Variants in IL1RAPL2 observed in about 807,000 individuals in gnomAD.
IL1RAPL2 encodes interleukin 1 receptor accessory protein like 2.
Under a neutral mutation model 44.1 loss-of-function variants are expected in IL1RAPL2, and 3 were observed. That is an observed-to-expected ratio of 0.07 (90% confidence interval 0.03 to 0.18). The LOEUF (loss-of-function observed/expected upper bound fraction) is 0.18, where lower values mean the gene tolerates loss of function less well. IL1RAPL2 is among the 10% of genes least tolerant of loss of function. The probability of loss-of-function intolerance (pLI) is 1.00; values close to 1 mark genes in which losing one functional copy is unlikely to be tolerated. For missense variants in IL1RAPL2, 391 were observed against 496.4 expected (o/e 0.79, Z 2.02); for synonymous variants, 181 against 178.8 (o/e 1.01, Z -0.10).
intron 2 of IL1RAPL2, among the ~76,000 whole-genome samples, chrX:104,913,192 T>G (rs193112109): frequency 2.2e-4 from 25 of 111,694 alleles, no homozygotes; most frequent in Admixed American, 1.9e-3. Context: ...TCATTTTGTT[T>G]GTATGCAGGC....
chrX:105,207,531 C>T (rs1053922846), intron 3 of IL1RAPL2, among the ~76,000 whole-genome samples: 1 of 111,474 alleles, frequency 9.0e-6, no homozygotes, highest in Non-Finnish European at 1.9e-5. Context: ...GCCCAGAAAC[C>T]TCTCTCATTG....
intron 1 of IL1RAPL2, among the ~76,000 whole-genome samples, chrX:104,613,982 G>A (rs1929220022): frequency 9.1e-6 from 1 of 110,100 alleles, no homozygotes; most frequent in South Asian, 3.9e-4. Context: ...TGTGCATAGA[G>A]GTTTTTCATA....
chrX:104,770,059 T>G (rs1182340033), intron 2 of IL1RAPL2, among the ~76,000 whole-genome samples: 3 of 111,290 alleles, frequency 2.7e-5, no homozygotes, highest in African/African-American at 9.8e-5. Context: ...TCTAGGATTT[T>G]TTTTTGTCCT....
chrX:105,031,720 C>T (rs111478032), intron 2 of IL1RAPL2, among the ~76,000 whole-genome samples: 2 of 111,515 alleles, frequency 1.8e-5, no homozygotes, highest in Non-Finnish European at 3.8e-5. Flanking sequence ...TTGGTTGTGT[C>T]TCTGCCAGGC....
At chrX:105,219,679 C>A in intron 3 of IL1RAPL2, 4 of 1,210,327 alleles carry the variant, frequency 3.3e-6, no homozygotes, top group Non-Finnish European at 4.5e-6. Context: ...CTCAGCTGCT[C>A]CTTCTGTGCA....
intron 2 of IL1RAPL2, among the ~76,000 whole-genome samples, chrX:104,672,264 A>T (rs945966937): frequency 4.5e-5 from 5 of 110,176 alleles, no homozygotes; most frequent in African/African-American, 3.3e-5. Context: ...CACCCATAAC[A>T]GTCCCCAGAG....
At chrX:104,704,800 G>A (rs908788705) in intron 2 of IL1RAPL2, among the ~76,000 whole-genome samples, 6 of 111,648 alleles carry the variant, frequency 5.4e-5, no homozygotes, top group East Asian at 2.8e-4. Context: ...CTTAATTCCC[G>A]TTCCTACTCC....
chrX:104,703,659 C>T (rs944038197), intron 2 of IL1RAPL2, among the ~76,000 whole-genome samples: 5 of 112,049 alleles, frequency 4.5e-5, no homozygotes, highest in Admixed American at 1.9e-4. Context: ...ATATTTAGCA[C>T]TTACTAATAC....
chrX:105,517,055 T>C (rs2036519979), intron 6 of IL1RAPL2, among the ~76,000 whole-genome samples: 1 of 111,378 alleles, frequency 9.0e-6, no homozygotes, highest in Non-Finnish European at 1.9e-5. Context: ...GATGCAAGGA[T>C]ATGTTGTGTA....
chrX:105,419,848 T>A (rs1804112722), intron 5 of IL1RAPL2, among the ~76,000 whole-genome samples: 1 of 112,104 alleles, frequency 8.9e-6, no homozygotes, highest in Non-Finnish European at 1.9e-5. Context: ...CAGACATTGC[T>A]TCATCTTGTC....
intron 2 of IL1RAPL2, among the ~76,000 whole-genome samples, chrX:104,953,004 A>T (rs143931164): frequency 0.022 from 2,441 of 112,201 alleles, 35 homozygotes; most frequent in Non-Finnish European, 0.033. Context: ...TGTGATTATC[A>T]ATAATGCATT....
At position 104,837,204 on chromosome X, in the gene IL1RAPL2, T is replaced by C. The variant is rs751213304; in HGVS notation, c.82+178209T>C. Among the ~76,000 whole-genome samples, 80 of 111,782 alleles carry C rather than the reference T, an allele frequency of 7.2e-4. 1 individual carries two copies. Among genetic ancestry groups the C allele is most frequent in the Non-Finnish European group, 1.3e-3 (67 of 53,165 alleles). On this transcript the variant is annotated intron_variant, in intron 2 of 10. Transcript: ENST00000372582. ...CAATAAACACATGTGTACATGTGAC[T>C]TTATACTAGAATGATTTATATTCCT...
At chrX:105,321,522 C>T (rs2034897372) in intron 5 of IL1RAPL2, among the ~76,000 whole-genome samples, 1 of 112,295 alleles carries the variant, frequency 8.9e-6, no homozygotes, top group Non-Finnish European at 1.9e-5. Flanking sequence ...TTAAACCAAG[C>T]ACAGGGCCCT....
intron 1 of IL1RAPL2, among the ~76,000 whole-genome samples, chrX:104,633,059 G>A (rs983165603): frequency 4.5e-5 from 5 of 111,550 alleles, no homozygotes; most frequent in Non-Finnish European, 7.5e-5. Context: ...AAGGGTTGTT[G>A]AATTTTGTCA....
intron 1 of IL1RAPL2, among the ~76,000 whole-genome samples, chrX:104,602,236 G>T (rs1928898152): frequency 9.0e-6 from 1 of 111,201 alleles, no homozygotes; most frequent in African/African-American, 3.3e-5. Context: ...AGAGGTTGGG[G>T]AATTTTCTCC....
At chrX:104,660,486 TTC>T (rs1238308942) in intron 2 of IL1RAPL2, among the ~76,000 whole-genome samples, 1 of 107,541 alleles carries the variant, frequency 9.3e-6, no homozygotes, top group Non-Finnish European at 1.9e-5. Flanking sequence ...TGTCAATGTA[TTC>T]TGTCTTATAC....
intron 6 of IL1RAPL2, among the ~76,000 whole-genome samples, chrX:105,696,792 C>T (rs371114181): frequency 3.0e-4 from 33 of 111,700 alleles, no homozygotes; most frequent in Middle Eastern, 4.6e-3. Flanking sequence ...CCCCTGGATA[C>T]GGGTTTCTGG....
chrX:104,880,954 A>C (rs1446513994), intron 2 of IL1RAPL2, among the ~76,000 whole-genome samples: 1 of 111,754 alleles, frequency 8.9e-6, no homozygotes, highest in Non-Finnish European at 1.9e-5. Context: ...TAAATGTTTC[A>C]ATAACGACCT....
intron 2 of IL1RAPL2, among the ~76,000 whole-genome samples, chrX:105,038,151 C>G (rs1278076563): frequency 9.0e-6 from 1 of 111,299 alleles, no homozygotes; most frequent in Admixed American, 9.6e-5. Flanking sequence ...CAGGCCCACA[C>G]TTCTGGCTTC....
Sources: allele counts gnomAD v4.1 joint callset (sites outside exome capture counted in the v4.1 genomes callset), GRCh38; gene constraint gnomAD v4.1.1; transcripts MANE v1.5; gene names NCBI Gene and HGNC (gene_info 2026-07-23, HGNC 2026-07-21).